The following FYN variants were observed in gnomAD, a reference collection of about 807,000 sequenced individuals.
FYN encodes the protein tyrosine-protein kinase Fyn.
Under a neutral mutation model 70.2 loss-of-function variants are expected in FYN, and 10 were observed. The observed-to-expected ratio is 0.14, with a 90% CI of 0.09 to 0.24. The LOEUF (loss-of-function observed/expected upper bound fraction) is 0.24. Ranked by LOEUF, FYN falls within the 10% of genes least tolerant of loss-of-function variation. The pLI, the probability that FYN is intolerant of heterozygous loss-of-function variation, is 1.00. For synonymous variants in FYN, 236 were observed against 248.6 expected (o/e 0.95, Z 0.48); for missense variants, 319 against 673.1 (o/e 0.47, Z 5.82).
intron 3 of FYN, among the ~76,000 whole-genome samples, chr6:111,742,548 G>A (rs938941026): frequency 3.9e-5 from 6 of 152,112 alleles, no homozygotes; most frequent in Non-Finnish European, 7.4e-5. Context: ...ATTATTGCAA[G>A]CCTTCTGTGA....
chr6:111,749,192 G>A (rs1318015182), intron 3 of FYN, among the ~76,000 whole-genome samples: 3 of 152,146 alleles, frequency 2.0e-5, no homozygotes, highest in Non-Finnish European at 4.4e-5. Context: ...TAAATCATGA[G>A]TGAAGGTGAA....
At chr6:111,714,639 C>G in intron 4 of FYN, 196 bp from the exon 5 acceptor site, 2 of 575,242 alleles carry the variant, frequency 3.5e-6, no homozygotes, top group Admixed American at 6.0e-5. Flanking sequence ...GTAGGGGAAG[C>G]CTTACTGTAT....
In FYN at chr6:111,694,252, A is replaced by G; in HGVS notation, c.1273+123T>C. ...CTGCCAGATCAAGGTGTCCAAACCA[A>G]GCTGAAGAATGACATTTCAAGTATT... On this transcript the variant is annotated intron_variant, in intron 12 of 13. Transcript: ENST00000354650. The surrounding 1 kb of genome is among the most constrained non-coding windows in gnomAD (Gnocchi z 5.0). 7.6e-7 allele frequency: 1 copy of G among 1,311,154 alleles called. No individual in the cohort carries two copies. The highest frequency in any genetic ancestry group is 1.1e-6 in the Non-Finnish European group (1 of 938,130). The allele number at this position is 1,311,154 out of a possible 1,614,324, so 81.2% of individuals were successfully genotyped here.
chr6:111,734,275 G>A (rs1268849144), intron 3 of FYN, among the ~76,000 whole-genome samples: 3 of 152,120 alleles, frequency 2.0e-5, no homozygotes, highest in Non-Finnish European at 4.4e-5. Context: ...GAGGACTCAT[G>A]GAATGACCTG....
At chr6:111,866,444 CG>C (rs1199298443) in intron 1 of FYN, among the ~76,000 whole-genome samples, 2 of 152,206 alleles carry the variant, frequency 1.3e-5, no homozygotes, top group African/African-American at 4.8e-5. Context: ...CAGGCTCAAG[CG>C]ATTCGCCTGC....
intron 3 of FYN, among the ~76,000 whole-genome samples, chr6:111,773,333 GGAAA>G (rs1297748301): frequency 1.0e-4 from 7 of 66,756 alleles, no homozygotes; most frequent in Non-Finnish European, 1.4e-4. Context: ...GGAGGGAGAG[GGAAA>G]GGGAGAGGGA....
At chr6:111,668,053 G>A (rs1465158552) in intron 13 of FYN, among the ~76,000 whole-genome samples, 1 of 152,250 alleles carries the variant, frequency 6.6e-6, no homozygotes, top group Non-Finnish European at 1.5e-5. Context: ...CCTTGCTTCT[G>A]TGCATAAAAG....
chr6:111,690,175 G>A (rs565238294), intron 12 of FYN, among the ~76,000 whole-genome samples: 2 of 152,248 alleles, frequency 1.3e-5, no homozygotes, highest in East Asian at 3.9e-4. Flanking sequence ...GGGGTCACAG[G>A]AGACAGGTGT....
At chr6:111,665,548 T>C (rs906919733) in intron 13 of FYN, among the ~76,000 whole-genome samples, 3 of 152,152 alleles carry the variant, frequency 2.0e-5, no homozygotes, top group African/African-American at 4.8e-5. Flanking sequence ...AAACACGAGT[T>C]TGGGCACCAG....
At chr6:111,807,481 GTTC>G (rs1562528653) in intron 2 of FYN, among the ~76,000 whole-genome samples, 1 of 152,188 alleles carries the variant, frequency 6.6e-6, no homozygotes, top group Admixed American at 6.5e-5. Context: ...TTAAAGGATA[GTTC>G]TTCTTTACAG....
chr6:111,692,374 C>T (rs1181631441), intron 12 of FYN, among the ~76,000 whole-genome samples: 1 of 152,146 alleles, frequency 6.6e-6, no homozygotes, highest in Non-Finnish European at 1.5e-5. Context: ...ACAGCTAATG[C>T]AGAGGAACGG....
chr6:111,802,437 T>C (rs1772017868), intron 2 of FYN, among the ~76,000 whole-genome samples: 1 of 149,890 alleles, frequency 6.7e-6, no homozygotes, highest in Non-Finnish European at 1.5e-5. Context: ...AGGTAATCCC[T>C]TTTTTTTTTC....
intron 1 of FYN, among the ~76,000 whole-genome samples, chr6:111,857,366 C>A (rs1457264636): frequency 6.6e-6 from 1 of 152,170 alleles, no homozygotes; most frequent in Non-Finnish European, 1.5e-5. Context: ...CTGCCACTAG[C>A]TAAACAAGGG....
At chr6:111,811,701 C>G (rs1583464001) in intron 2 of FYN, among the ~76,000 whole-genome samples, 1 of 152,124 alleles carries the variant, frequency 6.6e-6, no homozygotes, top group African/African-American at 2.4e-5. Context: ...TGGCTAGGAA[C>G]CTACAAGTTG....
chr6:111,699,752 T>C, intron 9 of FYN: 1 of 1,350,638 alleles, frequency 7.4e-7, no homozygotes, highest in Non-Finnish European at 1.0e-6. Context: ...GGAAGGTGAC[T>C]TGCCCGTTAG....
intron 12 of FYN, among the ~76,000 whole-genome samples, chr6:111,681,492 A>T (rs1314484044): frequency 6.6e-6 from 1 of 152,164 alleles, no homozygotes; most frequent in East Asian, 1.9e-4. Context: ...AAACACAGTT[A>T]ATCTAGTTCA....
chr6:111,746,678 G>A (rs537353155), intron 3 of FYN, among the ~76,000 whole-genome samples: 1 of 152,168 alleles, frequency 6.6e-6, no homozygotes, highest in African/African-American at 2.4e-5. Context: ...GAAAAGGCAT[G>A]GGTGTGTAAG....
At chr6:111,755,325 A>C (rs181969028) in intron 3 of FYN, among the ~76,000 whole-genome samples, 46 of 152,328 alleles carry the variant, frequency 3.0e-4, no homozygotes, top group Non-Finnish European at 4.4e-5. Context: ...TTTTGAGGGA[A>C]ACTGGATAAT....
intron 13 of FYN, among the ~76,000 whole-genome samples, chr6:111,664,561 G>C (rs1264296592): frequency 6.6e-6 from 1 of 152,170 alleles, no homozygotes; most frequent in Non-Finnish European, 1.5e-5. Flanking sequence ...CCAAGCCTCA[G>C]ACACAGCACA....
Sources: allele counts gnomAD v4.1 joint callset (sites outside exome capture counted in the v4.1 genomes callset), GRCh38; gene constraint gnomAD v4.1.1; non-coding constraint Gnocchi (gnomAD v3.1); transcripts MANE v1.5; gene names NCBI Gene and HGNC (gene_info 2026-07-23, HGNC 2026-07-21).